RARB: variants seen among roughly 807,000 people sequenced by gnomAD.
RARB encodes HBV-activated protein.
In RARB, 17 loss-of-function variants were observed where a neutral mutation model predicts 51.9. That is an observed-to-expected ratio of 0.33 (90% CI 0.22 to 0.49). RARB has a LOEUF of 0.49. RARB is among the 20% of genes least tolerant of loss of function. The pLI is 0.99. For synonymous variants in RARB, 215 were observed against 195.4 expected (o/e 1.10, Z -0.84); for missense variants, 369 against 550.8 (o/e 0.67, Z 3.30).
intron 3 of RARB, among the ~76,000 whole-genome samples, chr3:25,109,971 G>A (rs1279578484): frequency 2.6e-5 from 4 of 152,296 alleles, no homozygotes; most frequent in South Asian, 2.1e-4. Flanking sequence ...ATGAGCGAGA[G>A]CTACTCCTTG....
At chr3:24,957,548 A>C (rs537524555) in intron 2 of RARB, among the ~76,000 whole-genome samples, 1 of 152,328 alleles carries the variant, frequency 6.6e-6, no homozygotes, top group Admixed American at 6.5e-5. Flanking sequence ...AGAAGAAAAG[A>C]TTGTTCTCAG....
chr3:25,408,049 T>C (rs1050879887), intron 5 of RARB, among the ~76,000 whole-genome samples: 1 of 152,178 alleles, frequency 6.6e-6, no homozygotes, highest in African/African-American at 2.4e-5. Context: ...ACTTCTTCCT[T>C]GGATCTTCCG....
Position 24,970,408 on chromosome 3 carries a change from G to T in RARB, c.-379-89717G>T, listed in dbSNP as rs1381142001. 2.0e-5 allele frequency among the ~76,000 whole-genome samples: 3 copies of T among 152,112 alleles called. No individual in the cohort carries two copies. The East Asian group carries it at 5.8e-4, about 29-fold the overall frequency. ...GATAACCAGACAAGAAGACAATTCT[G>T]TCTTCTTTATAATTAGTCCATACTG... On this transcript the variant is annotated intron_variant, in intron 2 of 11. Transcript: ENST00000383772.
chr3:25,140,241 C>A (rs1358275157), intron 4 of RARB, among the ~76,000 whole-genome samples: 1 of 152,120 alleles, frequency 6.6e-6, no homozygotes, highest in Non-Finnish European at 1.5e-5. Context: ...TGGATTTTGG[C>A]AGAGTTAATT....
intron 3 of RARB, among the ~76,000 whole-genome samples, chr3:25,530,592 T>C (rs1257372230): frequency 6.6e-6 from 1 of 152,230 alleles, no homozygotes; most frequent in Non-Finnish European, 1.5e-5. Context: ...CCAGAGTCTT[T>C]CTCACATTAC....
chr3:24,849,010 G>C (rs928518496), intron 1 of RARB, among the ~76,000 whole-genome samples: 1 of 152,174 alleles, frequency 6.6e-6, no homozygotes, highest in Non-Finnish European at 1.5e-5. Context: ...TTAACCAGCT[G>C]TTCTGGCTAT....
intron 3 of RARB, chr3:25,060,317 C>T (rs923237434): frequency 2.6e-5 from 4 of 151,680 alleles, no homozygotes; most frequent in African/African-American, 9.7e-5. Context: ...ACATAAAAAC[C>T]AATATTTATA....
At chr3:25,588,260 A>G (rs1355946446) in intron 5 of RARB, among the ~76,000 whole-genome samples, 2 of 152,258 alleles carry the variant, frequency 1.3e-5, no homozygotes, top group African/African-American at 2.4e-5. Context: ...GACACAAAAG[A>G]GAATATTCTG....
intron 1 of RARB, among the ~76,000 whole-genome samples, chr3:25,439,248 C>T (rs569589174): frequency 1.1e-4 from 16 of 152,268 alleles, no homozygotes; most frequent in African/African-American, 3.4e-4. Context: ...ATAGTAAAGT[C>T]GAATTAATGT....
rs185885949 is a variant in RARB at position 24,985,121 on chromosome 3, G to T, written c.-379-75004G>T. On this transcript the variant is annotated intron_variant, in intron 2 of 11. Transcript: ENST00000383772. Reference sequence around the variant, plus strand: ...ATTTAATGACCAATACAGCTAGCATGGAAATGGTGAGGGGTTCTTTTCAAA... The same window carrying T: ...ATTTAATGACCAATACAGCTAGCATTGAAATGGTGAGGGGTTCTTTTCAAA... Among the ~76,000 whole-genome samples the T allele has an allele frequency of 1.1e-3, 173 of 152,284 alleles. 1 individual carries two copies. The highest frequency in any genetic ancestry group is 3.9e-3 in the African/African-American group (164 of 41,558).
chr3:24,894,008 A>T (rs1399242184), intron 2 of RARB, among the ~76,000 whole-genome samples: 2 of 143,914 alleles, frequency 1.4e-5, no homozygotes, highest in Non-Finnish European at 3.0e-5. Context: ...ACAAATGAAC[A>T]AATAACTGAA....
intron 3 of RARB, among the ~76,000 whole-genome samples, chr3:25,072,727 G>T (rs1271938638): frequency 1.6e-4 from 24 of 145,968 alleles, no homozygotes; most frequent in African/African-American, 5.8e-4. Context: ...TTTTTTTTTT[G>T]AGATAGAGTC....
At chr3:25,365,094 T>A (rs182307080) in intron 5 of RARB, among the ~76,000 whole-genome samples, 211 of 152,080 alleles carry the variant, frequency 1.4e-3, no homozygotes, top group Non-Finnish European at 2.6e-3. Flanking sequence ...TTCTCCCAAA[T>A]GTGGCAGTAC....
At chr3:25,183,106 TA>T (rs1700896672) in intron 5 of RARB, among the ~76,000 whole-genome samples, 1 of 152,194 alleles carries the variant, frequency 6.6e-6, no homozygotes, top group African/African-American at 2.4e-5. Context: ...ACAGGGACCA[TA>T]ACTTCTTACT....
At chr3:25,338,689 A>G (rs1426562399) in intron 5 of RARB, among the ~76,000 whole-genome samples, 1 of 152,220 alleles carries the variant, frequency 6.6e-6, no homozygotes, top group Non-Finnish European at 1.5e-5. Context: ...GCTTCTTCAT[A>G]AGAGTTTAAG....
chr3:24,928,375 T>G (rs1051817256), intron 2 of RARB, among the ~76,000 whole-genome samples: 1 of 151,974 alleles, frequency 6.6e-6, no homozygotes, highest in Non-Finnish European at 1.5e-5. Flanking sequence ...ATCCTGTAAG[T>G]AAGACACTAG....
At chr3:25,590,387 G>C (rs1210311865) in intron 5 of RARB, among the ~76,000 whole-genome samples, 2 of 152,074 alleles carry the variant, frequency 1.3e-5, no homozygotes, top group African/African-American at 4.8e-5. Context: ...TTTTTTGCAG[G>C]GGACAGATCT....
At chr3:25,513,160 A>G (rs1697984187) in intron 3 of RARB, among the ~76,000 whole-genome samples, 1 of 149,094 alleles carries the variant, frequency 6.7e-6, no homozygotes, top group African/African-American at 2.5e-5. Flanking sequence ...GGTGGCATGC[A>G]CCTGTAATCC....
chr3:24,953,581 C>T (rs1695944934), intron 2 of RARB, among the ~76,000 whole-genome samples: 2 of 152,208 alleles, frequency 1.3e-5, no homozygotes, highest in African/African-American at 2.4e-5. Context: ...CAATGGTTAT[C>T]GTTGCCATAG....
Sources: gnomAD v4.1 joint callset for allele counts (sites outside exome capture counted in the v4.1 genomes callset) on GRCh38, gnomAD v4.1.1 for gene constraint, MANE v1.5 for transcripts, NCBI Gene and HGNC (gene_info 2026-07-23, HGNC 2026-07-21) for gene names.